Variants in MAGI1 observed in about 807,000 individuals in gnomAD.
MAGI1 encodes membrane-associated guanylate kinase, WW and PDZ domain-containing protein 1.
In MAGI1, 58 loss-of-function variants were observed where a neutral mutation model predicts 139.9. That is an observed-to-expected ratio of 0.41 (90% CI 0.34 to 0.52). The LOEUF is 0.52. MAGI1 is among the 20% of genes least tolerant of loss of function. The probability of loss-of-function intolerance (pLI) is 0.12; values close to 1 mark genes in which losing one functional copy is unlikely to be tolerated. For missense variants in MAGI1, 1,874 were observed against 1,901.6 expected, an observed-to-expected ratio of 0.99 and a Z score of 0.27; for synonymous variants, 812 against 737.9, an observed-to-expected ratio of 1.10 and a Z score of -1.63.
intron 1 of MAGI1, among the ~76,000 whole-genome samples, chr3:65,861,349 T>C (rs1256842189): frequency 6.6e-6 from 1 of 152,232 alleles, no homozygotes; most frequent in Non-Finnish European, 1.5e-5. Flanking sequence ...CCAAAGTTTC[T>C]GACCCTCTCA....
chr3:65,546,537 T>C (rs1384359233), intron 2 of MAGI1, among the ~76,000 whole-genome samples: 1 of 152,234 alleles, frequency 6.6e-6, no homozygotes, highest in Non-Finnish European at 1.5e-5. Context: ...AAGGTTGTAT[T>C]TTGAAAATGC....
intron 1 of MAGI1, among the ~76,000 whole-genome samples, chr3:65,767,326 C>A (rs1455496642): frequency 6.6e-6 from 1 of 151,746 alleles, no homozygotes; most frequent in Non-Finnish European, 1.5e-5. Context: ...AGACTTTAGG[C>A]CAGGGCAGTG....
chr3:65,490,533 T>C (rs980952468), intron 3 of MAGI1, among the ~76,000 whole-genome samples: 2 of 152,076 alleles, frequency 1.3e-5, no homozygotes, highest in African/African-American at 2.4e-5. Flanking sequence ...TAATATACTC[T>C]GGTCAGTTCC....
intron 1 of MAGI1, among the ~76,000 whole-genome samples, chr3:65,762,406 T>C (rs17073723): frequency 0.031 from 4,772 of 151,814 alleles, 246 homozygotes; most frequent in African/African-American, 0.11. Flanking sequence ...CCTACGAATC[T>C]CATTACTGCA....
At chr3:65,738,392 C>T (rs2107768634) in intron 1 of MAGI1, among the ~76,000 whole-genome samples, 1 of 152,264 alleles carries the variant, frequency 6.6e-6, no homozygotes, top group Non-Finnish European at 1.5e-5. Context: ...TGCCAGGCTG[C>T]ACTGAAACTC....
intron 2 of MAGI1, among the ~76,000 whole-genome samples, chr3:65,515,323 T>C (rs2107774702): frequency 6.6e-6 from 1 of 152,232 alleles, no homozygotes; most frequent in Admixed American, 6.5e-5. Flanking sequence ...AAAAGTTACA[T>C]TTGAAGACAG....
intron 1 of MAGI1, among the ~76,000 whole-genome samples, chr3:65,831,919 T>C (rs2042551812): frequency 2.6e-5 from 4 of 152,248 alleles, no homozygotes. Flanking sequence ...TCACATACTT[T>C]ACCCATTCCT....
In MAGI1 at chr3:65,869,367, T is replaced by TTG. The variant is rs2059846075; in HGVS notation, c.313+168628_313+168629insCA. Among the ~76,000 whole-genome samples the TTG allele has an allele frequency of 9.4e-3, 1,119 of 118,930 alleles. 16 individuals carry two copies. The highest frequency in any genetic ancestry group is 0.028 in the African/African-American group (861 of 31,250). The allele number at this position is 118,930 out of a possible 152,430, so 78.0% of individuals were successfully genotyped here. ...CAGATCCCAAAGGCAAGACTGGTTT[T>TTG]TTGTTGTTGTTGTTGTTGTTGTTGT... On this transcript the variant is annotated intron_variant, in intron 1 of 22. Coordinates refer to ENST00000402939, the MANE Select transcript of MAGI1 (RefSeq NM_001033057.2).
In MAGI1 at chr3:65,401,936, T is replaced by A. The variant is rs181000240; in HGVS notation, c.2168-466A>T. 103 of 980,128 alleles carry A rather than the reference T, an allele frequency of 1.1e-4. 1 individual carries two copies. In the East Asian group the frequency reaches 1.1e-3, roughly 11 times the overall value. The allele number at this position is 980,128 out of a possible 1,614,324, so 60.7% of individuals were successfully genotyped here. A position where few individuals can be genotyped will look rare whatever the true frequency, so the allele number is the denominator to read the frequency against. ...GAGTACATGGTTAAAATTAAAAAAA[T>A]TTTTTTGGTCTTTTCTTTTTTTTTC... On this transcript the variant is annotated intron_variant, in intron 12 of 22. Transcript: ENST00000402939.
chr3:65,764,697 C>CT (rs1336618393), intron 1 of MAGI1, among the ~76,000 whole-genome samples: 12 of 151,448 alleles, frequency 7.9e-5, no homozygotes, highest in Non-Finnish European at 1.0e-4. Context: ...TTTTCTTTTT[C>CT]TTTTTTTTTC....
chr3:65,389,033 C>G (rs970416874), intron 14 of MAGI1, among the ~76,000 whole-genome samples: 1 of 151,320 alleles, frequency 6.6e-6, no homozygotes, highest in Non-Finnish European at 1.5e-5. Flanking sequence ...TTAGCAGAGA[C>G]GGGGTTTCAC....
At chr3:66,007,130 C>T (rs1450812101) in intron 1 of MAGI1, among the ~76,000 whole-genome samples, 1 of 151,998 alleles carries the variant, frequency 6.6e-6, no homozygotes, top group Non-Finnish European at 1.5e-5. Flanking sequence ...TGTGAGCCAC[C>T]ACACCTGGCC....
chr3:65,417,284 G>A (rs989221043), intron 12 of MAGI1, among the ~76,000 whole-genome samples: 5 of 152,036 alleles, frequency 3.3e-5, no homozygotes, highest in Admixed American at 1.3e-4. Context: ...TTTACCTATG[G>A]AACAAATCTG....
At chr3:65,979,712 G>A (rs2065466898) in intron 1 of MAGI1, among the ~76,000 whole-genome samples, 1 of 152,138 alleles carries the variant, frequency 6.6e-6, no homozygotes, top group African/African-American at 2.4e-5. Context: ...AAACTTGATG[G>A]CTTGCAATCC....
chr3:65,934,398 G>T (rs992587678), intron 1 of MAGI1, among the ~76,000 whole-genome samples: 2 of 151,848 alleles, frequency 1.3e-5, no homozygotes, highest in African/African-American at 2.4e-5. Flanking sequence ...TACAACAGAG[G>T]TTCAGAAAAA....
intron 2 of MAGI1, among the ~76,000 whole-genome samples, chr3:65,620,863 A>G (rs1025880650): frequency 2.0e-5 from 3 of 152,220 alleles, no homozygotes; most frequent in African/African-American, 7.2e-5. Flanking sequence ...GGGCTATTCT[A>G]GAATCTGATC....
intron 1 of MAGI1, among the ~76,000 whole-genome samples, chr3:65,945,840 TTG>T (rs1304523464): frequency 1.3e-5 from 2 of 152,256 alleles, no homozygotes; most frequent in Non-Finnish European, 2.9e-5. Context: ...TAAATTTAAT[TTG>T]GCTGAAGTTG....
chr3:65,402,677 C>A (rs1945007365), intron 12 of MAGI1, among the ~76,000 whole-genome samples: 1 of 152,090 alleles, frequency 6.6e-6, no homozygotes, highest in African/African-American at 2.4e-5. Context: ...CTTGTCAAAC[C>A]ATGAGCCATG....
chr3:65,940,632 T>C (rs1014418623), intron 1 of MAGI1, among the ~76,000 whole-genome samples: 1 of 152,176 alleles, frequency 6.6e-6, no homozygotes, highest in Non-Finnish European at 1.5e-5. Context: ...TTTGGGGAGA[T>C]TCACATTCAG....
Sources: allele counts gnomAD v4.1 joint callset (sites outside exome capture counted in the v4.1 genomes callset), GRCh38; gene constraint gnomAD v4.1.1; transcripts MANE v1.5; gene names NCBI Gene and HGNC (gene_info 2026-07-23, HGNC 2026-07-21).